The following DDI2 variants were observed in gnomAD, a reference collection of about 807,000 sequenced individuals.
The protein encoded by DDI2 is DDI proteasomal shuttling factor 2, also known as protein DDI1 homolog 2.
Under a neutral mutation model 48.1 loss-of-function variants are expected in DDI2, and 5 were observed. The ratio of observed to expected loss-of-function variants is 0.10; its 90% CI spans 0.05 to 0.22. The LOEUF is 0.22. Ranked by LOEUF, DDI2 falls within the 10% of genes least tolerant of loss-of-function variation. The pLI, the probability that DDI2 is intolerant of heterozygous loss-of-function variation, is 1.00. For synonymous variants in DDI2, 205 were observed against 183.6 expected, an observed-to-expected ratio of 1.12 and a Z score of -0.94; for missense variants, 285 against 506.2, an observed-to-expected ratio of 0.56 and a Z score of 4.19.
rs1243585247 is a variant in DDI2, at chr1:15,666,163, A to G, written c.*6373A>G. ...CCTTGAGAACTGGAAATGTAAAATC[A>G]TGGTTCAAGTTTTATACCTTAGTGA... On this transcript the variant is annotated 3_prime_UTR_variant, in exon 10 of 10. Transcript: ENST00000480945. 1 of 152,242 alleles carries G rather than the reference A, an allele frequency of 6.6e-6. No homozygotes were observed. The highest frequency in any genetic ancestry group is 1.5e-5 in the Non-Finnish European group (1 of 68,042). The allele number at this position is 152,242 out of a possible 1,614,324, so 9.4% of individuals were successfully genotyped here.
chr1:15,625,136 A>G (rs988953270), intron 1 of DDI2, among the ~76,000 whole-genome samples: 2 of 152,124 alleles, frequency 1.3e-5, no homozygotes, highest in African/African-American at 4.8e-5. Context: ...ATTTCAGGTA[A>G]CCTTACTATG....
chr1:15,631,385 G>T (rs1473370667), intron 3 of DDI2, among the ~76,000 whole-genome samples: 3 of 152,206 alleles, frequency 2.0e-5, no homozygotes, highest in Non-Finnish European at 4.4e-5. Flanking sequence ...CAAAGTGCTG[G>T]GATTACAGGC....
chr1:15,618,465 T>G (rs1639601470), intron 1 of DDI2, among the ~76,000 whole-genome samples: 1 of 152,206 alleles, frequency 6.6e-6, no homozygotes, highest in Admixed American at 6.5e-5. Flanking sequence ...GCTGTTTGTT[T>G]GTTTCGGTTC....
chr1:15,630,584 C>G, intron 3 of DDI2, 23 bp downstream of exon 3: 1 of 1,541,702 alleles, frequency 6.5e-7, no homozygotes, highest in East Asian at 2.2e-5. Flanking sequence ...ATTTGGAAGG[C>G]TATTAGGCTG....
At chr1:15,641,955 CAAAAA>C (rs57716922) in intron 5 of DDI2, among the ~76,000 whole-genome samples, 6 of 79,372 alleles carry the variant, frequency 7.6e-5, no homozygotes, top group Non-Finnish European at 1.1e-4. Context: ...AATTCAGTCT[CAAAAA>C]AAAAAAAAAA....
intron 5 of DDI2, among the ~76,000 whole-genome samples, chr1:15,642,611 C>T (rs1040198207): frequency 3.3e-5 from 5 of 152,092 alleles, no homozygotes; most frequent in Non-Finnish European, 7.4e-5. Context: ...CTACACCCAG[C>T]CCAAAATTTG....
intron 1 of DDI2, among the ~76,000 whole-genome samples, chr1:15,618,955 C>T (rs143711862): frequency 1.3e-5 from 2 of 152,288 alleles, no homozygotes; most frequent in African/African-American, 4.8e-5. Context: ...AGTATGATTC[C>T]TTTACACAAT....
rs935747264 is a variant in DDI2, at chr1:15,666,300, T to C, written c.*6510T>C. 3 of 152,068 alleles carry C rather than the reference T, an allele frequency of 2.0e-5. No individual in the cohort carries two copies. Among genetic ancestry groups the C allele is most frequent in the African/African-American group, 7.2e-5 (3 of 41,400 alleles). 9.4% of individuals were successfully genotyped at this position (152,068 alleles called of 1,614,324 possible). A position where few individuals can be genotyped will look rare whatever the true frequency, so the allele number is the denominator to read the frequency against. On this transcript the variant is annotated 3_prime_UTR_variant, in exon 10 of 10. Transcript: ENST00000480945. ...CTCTGAATAGCAGAGGCATCAAATT[T>C]TGGTGGGGAATGAGAGGAGTATTAG...
chr1:15,641,270 A>C (rs1030997548), intron 5 of DDI2, among the ~76,000 whole-genome samples: 1 of 151,830 alleles, frequency 6.6e-6, no homozygotes, highest in Admixed American at 6.6e-5. Context: ...TCAGGAGTTC[A>C]AGACCAGCCT....
intron 5 of DDI2, 66 bp downstream of exon 5, chr1:15,638,500 G>T: frequency 6.5e-7 from 1 of 1,537,748 alleles, no homozygotes. Context: ...GGGAGAAGGG[G>T]AGGCTCAAGC....
In DDI2 at chr1:15,666,491, G is replaced by A. The variant is rs1480613395; in HGVS notation, c.*6701G>A. 5 of 152,150 alleles carry A rather than the reference G, an allele frequency of 3.3e-5. No homozygotes were observed. Among genetic ancestry groups the A allele is most frequent in the African/African-American group, 1.2e-4 (5 of 41,422 alleles). 9.4% of individuals were successfully genotyped at this position (152,150 alleles called of 1,614,324 possible). ...GAATCACCAAAAACAGTTTTTAGAT[G>A]TTTATGTTCTTTGTTTTACTATCAA... On this transcript the variant is annotated 3_prime_UTR_variant, in exon 10 of 10. Transcript: ENST00000480945.
At chr1:15,630,602 G>A in intron 3 of DDI2, 41 bp downstream of exon 3, 1 of 1,381,224 alleles carries the variant, frequency 7.2e-7, no homozygotes, top group South Asian at 1.2e-5. Flanking sequence ...CTGGCCTGAG[G>A]TGAAGAAGCT....
intron 3 of DDI2, among the ~76,000 whole-genome samples, chr1:15,631,524 A>G (rs1411928400): frequency 3.9e-5 from 6 of 152,208 alleles, no homozygotes; most frequent in Admixed American, 6.5e-5. Context: ...CAGACACTTA[A>G]TGACTCATTC....
chr1:15,636,119 G>A (rs6668726), intron 4 of DDI2, among the ~76,000 whole-genome samples: 47,539 of 152,120 alleles, frequency 0.31, 8,148 homozygotes, highest in African/African-American at 0.43. Flanking sequence ...ACTGTAGTTA[G>A]AGCAGGAGTC....
chr1:15,638,531 T>A, intron 5 of DDI2, 97 bp downstream of exon 5: 87 of 138,248 alleles, frequency 6.3e-4, no homozygotes, highest in Non-Finnish European at 8.8e-4. Context: ...ATGGCTGTAC[T>A]TTTTTTTTTT....
intron 1 of DDI2, among the ~76,000 whole-genome samples, chr1:15,623,563 A>C (rs114965635): frequency 0.3 from 44,965 of 147,694 alleles, 7,376 homozygotes; most frequent in African/African-American, 0.41. Context: ...CTGGCTTATT[A>C]TTATTATTAT....
chr1:15,638,529 A>ATT, intron 5 of DDI2, 95 bp downstream of exon 5: 57 of 787,972 alleles, frequency 7.2e-5, no homozygotes, highest in South Asian at 3.6e-4. Context: ...AGATGGCTGT[A>ATT]CTTTTTTTTT....
chr1:15,660,000 C>T lies in DDI2; in HGVS notation c.*210C>T. The T allele has an allele frequency of 6.2e-7, 1 of 1,614,220 alleles. No individual in the cohort carries two copies. Among genetic ancestry groups the T allele is most frequent in the Non-Finnish European group, 8.5e-7 (1 of 1,180,040 alleles). On this transcript the variant is annotated 3_prime_UTR_variant, in exon 10 of 10. Transcript: ENST00000480945. ...CAGTCTGCCCTATCAAGCCCAGTGA[C>T]TCAGATCGCATTGAACCTAAAGCTG...
Position 15,633,679 on chromosome 1 carries a change from TGA to T in DDI2, c.632+117_632+118del, listed in dbSNP as rs552595753. ...GGAGGTAGCTTCTCTGTTTTGCAGTTGAGATAGTAACCTCAGTCTTTTAGGTT... is the reference window on the plus strand; with the variant it reads ...GGAGGTAGCTTCTCTGTTTTGCAGTTGATAGTAACCTCAGTCTTTTAGGTT... On this transcript the variant is annotated intron_variant, in intron 4 of 9. Coordinates refer to ENST00000480945, the MANE Select transcript of DDI2 (RefSeq NM_032341.5). 1.2e-4 allele frequency: 177 copies of T among 1,498,728 alleles called. 2 individuals are homozygous for T. In the African/African-American group the frequency reaches 2.0e-3, roughly 17 times the overall value. The allele number at this position is 1,498,728 out of a possible 1,614,324, so 92.8% of individuals were successfully genotyped here. A position where few individuals can be genotyped will look rare whatever the true frequency, so the allele number is the denominator to read the frequency against.
Sources: allele counts gnomAD v4.1 joint callset (sites outside exome capture counted in the v4.1 genomes callset), GRCh38; gene constraint gnomAD v4.1.1; transcripts MANE v1.5; gene names NCBI Gene and HGNC (gene_info 2026-07-23, HGNC 2026-07-21).